The following ELF5 variants were observed in gnomAD, a reference collection of about 807,000 sequenced individuals.
ELF5 encodes the protein ETS-related transcription factor Elf-5.
ELF5 carries 31 observed loss-of-function variants against 38.2 expected under a neutral mutation model. The ratio of observed to expected loss-of-function variants is 0.81; its 90% CI spans 0.61 to 1.10. The LOEUF is 1.10. Ranked by LOEUF, ELF5 falls within the 50% of genes least tolerant of loss-of-function variation. ELF5 has a pLI of 0.00. For missense variants in ELF5, 300 were observed against 306.6 expected (o/e 0.98, Z 0.16); for synonymous variants, 121 against 112.5 (o/e 1.08, Z -0.48).
intron 1 of ELF5, among the ~76,000 whole-genome samples, chr11:34,510,958 C>T (rs1015460400): frequency 6.6e-6 from 1 of 152,114 alleles, no homozygotes; most frequent in Non-Finnish European, 1.5e-5. Flanking sequence ...CTAGCTGGCT[C>T]ATCATGGAAG....
intron 1 of ELF5, among the ~76,000 whole-genome samples, chr11:34,512,033 G>C (rs80275957): frequency 6.6e-6 from 1 of 152,242 alleles, no homozygotes; most frequent in African/African-American, 2.4e-5. Context: ...GAAGAAAATC[G>C]GTTTTCCTTC....
intron 1 of ELF5, among the ~76,000 whole-genome samples, chr11:34,509,096 A>T (rs1451373041): frequency 2.0e-5 from 3 of 152,276 alleles, no homozygotes; most frequent in African/African-American, 7.2e-5. Context: ...TTGGAAGGCC[A>T]AGGTGGGCAG....
At position 34,480,268 on chromosome 11, in the gene ELF5, C is replaced by T. The variant is rs1856902858; in HGVS notation, c.718G>A (p.Val240Met). The stretch of plus-strand genomic sequence containing the variant: ...TGTGCATTTTTTCCAAATTTGTACA[C>T]TAACCTTCGGTCAACCCGCTCCAAA... ...GILERVDRRL[V>M]YKFGKNAHGW... Residue 240 changes from valine (V) to methionine (M), a missense_variant, in exon 7 of 7, where the codon GTG (valine) becomes ATG (methionine). Val to Met is a conservative substitution (Grantham distance 21). Transcript: ENST00000257832. 5 of 1,614,064 alleles carry T rather than the reference C, an allele frequency of 3.1e-6. No homozygotes were observed. The highest frequency in any genetic ancestry group is 2.2e-5 in the South Asian group (2 of 91,082).
chr11:34,493,701 A>G lies in ELF5; in HGVS notation c.133T>C (p.Tyr45His), dbSNP rs892614098. The G allele has an allele frequency of 1.2e-6, 2 of 1,613,852 alleles. No homozygotes were observed. The highest frequency in any genetic ancestry group is 2.7e-5 in the African/African-American group (2 of 74,938). ...AFEHQTACDS[Y>H]WTSVHPEYWT... is the part of the protein sequence containing the mutation. ...TATTCAGGGTGGACTGATGTCCAGTATGAGTCACAGGCTGCACCAAAGGAG... is the reference window on the plus strand; with the variant it reads ...TATTCAGGGTGGACTGATGTCCAGTGTGAGTCACAGGCTGCACCAAAGGAG... Residue 45 changes from tyrosine (Y) to histidine (H), a missense_variant, in exon 3 of 7, where the codon TAC becomes CAC. Coordinates refer to ENST00000257832, the MANE Select transcript of ELF5 (RefSeq NM_001422.4).
chr11:34,495,964 C>G (rs555244366), intron 2 of ELF5, among the ~76,000 whole-genome samples: 1 of 152,230 alleles, frequency 6.6e-6, no homozygotes, highest in Non-Finnish European at 1.5e-5. Context: ...TTTTCAGCTG[C>G]GGGCCCTGCC....
intron 4 of ELF5, among the ~76,000 whole-genome samples, chr11:34,485,174 T>C (rs1849956797): frequency 1.4e-5 from 2 of 144,226 alleles, no homozygotes; most frequent in Non-Finnish European, 3.1e-5. Flanking sequence ...GAGGAGGGAT[T>C]GGAAGTCCAG....
Position 34,490,016 on chromosome 11 carries a change from G to A in ELF5, c.399C>T (p.Ile133=). The change falls in exon 4 of 7, where the codon ATC becomes ATT. Residue 133 remains isoleucine (I), a synonymous_variant. Coordinates refer to ENST00000257832, the MANE Select transcript of ELF5 (RefSeq NM_001422.4). ...FNDAEESKAT[I]KDYADSNCLK... ...TTGCGCTTGGTTACTTACAGTCTTT[G>A]ATGGTGGCCTTGCTTTCTTCAGCGT... The A allele has an allele frequency of 6.2e-7, 1 of 1,614,150 alleles. No individual in the cohort carries two copies. Among genetic ancestry groups the A allele is most frequent in the African/African-American group, 1.3e-5 (1 of 75,052 alleles).
intron 4 of ELF5, among the ~76,000 whole-genome samples, chr11:34,483,292 G>T (rs1489774128): frequency 6.6e-6 from 1 of 151,790 alleles, no homozygotes; most frequent in Non-Finnish European, 1.5e-5. Context: ...CCACTGCTCC[G>T]CATTTTACAT....
chr11:34,493,457 G>T, intron 3 of ELF5, 22 bp downstream of exon 3: 2 of 1,606,682 alleles, frequency 1.2e-6, no homozygotes, highest in Non-Finnish European at 1.7e-6. Context: ...TCCCCTGGAG[G>T]TCTGGCCCTC....
At chr11:34,512,472 A>G (rs1850784441) in intron 1 of ELF5, among the ~76,000 whole-genome samples, 1 of 152,076 alleles carries the variant, frequency 6.6e-6, no homozygotes, top group African/African-American at 2.4e-5. Context: ...CGTGGGGCAC[A>G]TTTCTTACTA....
intron 2 of ELF5, among the ~76,000 whole-genome samples, chr11:34,504,868 G>T (rs970672545): frequency 2.6e-5 from 4 of 152,212 alleles, no homozygotes; most frequent in African/African-American, 9.6e-5. Context: ...AGAGGAGGGA[G>T]GGTGGGGAAG....
intron 1 of ELF5, chr11:34,511,681 G>T: frequency 2.2e-6 from 3 of 1,368,084 alleles, no homozygotes; most frequent in Non-Finnish European, 3.1e-6. Flanking sequence ...CAGGCCTGTG[G>T]GCTTCTCAGT....
chr11:34,513,316 T>C (rs944680734), intron 1 of ELF5, among the ~76,000 whole-genome samples: 1 of 152,238 alleles, frequency 6.6e-6, no homozygotes, highest in Non-Finnish European at 1.5e-5. Context: ...GGGGCTTTCC[T>C]TGAAGCTGAA....
chr11:34,511,634 C>A (rs1020784762), intron 1 of ELF5: 1 of 1,601,220 alleles, frequency 6.2e-7, no homozygotes, highest in Non-Finnish European at 8.6e-7. Context: ...GCTCACACAC[C>A]AAATGCACAC....
rs1202959833 is a variant in ELF5 at position 34,490,058 on chromosome 11, A to G, written c.357T>C (p.Gly119=). The part of the protein sequence containing the change: ...YFILQNIRTQ[G]YSFFNDAEES... ...CTTCAGCGTCATTAAAAAAGGAGTA[A>G]CCTGGGAAAGAAAAAGAAATCCAGA... The change falls in exon 4 of 7, where the codon GGT becomes GGC. Residue 119 remains glycine, a splice_region_variant and synonymous_variant. Coordinates refer to ENST00000257832, the MANE Select transcript of ELF5 (RefSeq NM_001422.4). 1 of 1,613,860 alleles carries G rather than the reference A, an allele frequency of 6.2e-7. No homozygotes were observed. Among genetic ancestry groups the G allele is most frequent in the Non-Finnish European group, 8.5e-7 (1 of 1,179,906 alleles).
At chr11:34,512,945 G>GTGA (rs1850798260) in intron 1 of ELF5, among the ~76,000 whole-genome samples, 1 of 152,118 alleles carries the variant, frequency 6.6e-6, no homozygotes, top group Admixed American at 6.6e-5. Context: ...ATTGCACCTA[G>GTGA]TGATGTCTGA....
chr11:34,490,103 G>A, intron 3 of ELF5, 44 bp from the exon 4 acceptor site: 1 of 1,606,990 alleles, frequency 6.2e-7, no homozygotes, highest in Non-Finnish European at 8.5e-7. Flanking sequence ...ATGCAATCCT[G>A]GTTTCCACTG....
chr11:34,490,059 C>T lies in ELF5; in HGVS notation c.356G>A (p.Gly119Asp), dbSNP rs760699423. Residue 119 changes from glycine to aspartate, a missense_variant and splice_region_variant, in exon 4 of 7, where the codon GGT becomes GAT. Gly to Asp is a moderately conservative substitution (Grantham distance 94). Transcript: ENST00000257832. The part of the protein sequence containing the change: ...YFILQNIRTQ[G>D]YSFFNDAEES... ...TTCAGCGTCATTAAAAAAGGAGTAA[C>T]CTGGGAAAGAAAAAGAAATCCAGAA... 2 of 1,613,740 alleles carry T rather than the reference C, an allele frequency of 1.2e-6. No individual in the cohort carries two copies. The highest frequency in any genetic ancestry group is 2.7e-5 in the African/African-American group (2 of 74,888).
At chr11:34,501,242 C>T (rs1850459327) in intron 2 of ELF5, among the ~76,000 whole-genome samples, 1 of 152,162 alleles carries the variant, frequency 6.6e-6, no homozygotes, top group African/African-American at 2.4e-5. Context: ...ACTGAAGCCC[C>T]ATCTTCTCAA....
Sources: gnomAD v4.1 joint callset for allele counts (sites outside exome capture counted in the v4.1 genomes callset) on GRCh38, gnomAD v4.1.1 for gene constraint, MANE v1.5 for transcripts, NCBI Gene and HGNC (gene_info 2026-07-23, HGNC 2026-07-21) for gene names.